MAMLD1: variants seen among roughly 807,000 people sequenced by gnomAD.
MAMLD1 encodes the protein mastermind like domain containing 1.
In MAMLD1, 14 loss-of-function variants were observed where a neutral mutation model predicts 45.0. That is an observed-to-expected ratio of 0.31 (90% CI 0.21 to 0.49). MAMLD1 has a LOEUF of 0.49. MAMLD1 is among the 20% of genes least tolerant of loss of function. The probability of loss-of-function intolerance (pLI) is 0.99; values close to 1 mark genes in which losing one functional copy is unlikely to be tolerated. For synonymous variants in MAMLD1, 254 were observed against 247.8 expected, an observed-to-expected ratio of 1.02 and a Z score of -0.24; for missense variants, 543 against 603.6, an observed-to-expected ratio of 0.90 and a Z score of 1.05.
chrX:150,419,457 A>C (rs2034401214), intron 1 of MAMLD1, among the ~76,000 whole-genome samples: 1 of 107,770 alleles, frequency 9.3e-6, no homozygotes, highest in African/African-American at 3.4e-5. Flanking sequence ...TAATATTGTT[A>C]TGTTTGAATT....
intron 5 of MAMLD1, among the ~76,000 whole-genome samples, chrX:150,489,675 G>A (rs781864000): frequency 9.2e-6 from 1 of 109,139 alleles, no homozygotes; most frequent in African/African-American, 3.3e-5. Context: ...GTGGCAGAGG[G>A]GTGAGGGAAA....
At chrX:150,451,498 C>A in intron 2 of MAMLD1, among the ~76,000 whole-genome samples, 1 of 111,332 alleles carries the variant, frequency 9.0e-6, no homozygotes, top group Admixed American at 9.5e-5. Flanking sequence ...GAATCCACAG[C>A]TGGAAAGCCC....
chrX:150,382,944 G>A (rs1482116323), intron 1 of MAMLD1, among the ~76,000 whole-genome samples: 1 of 21,322 alleles, frequency 4.7e-5, no homozygotes, highest in East Asian at 7.3e-4. Context: ...TCGCTCTGTC[G>A]CCCAGGCTGG....
At position 150,470,474 on chromosome X, in the gene MAMLD1, T is replaced by C; in HGVS notation, c.901T>C (p.Trp301Arg). Reference protein sequence around the residue: ...VALPPLPVPQWHHAHQLKALA... With the variant: ...VALPPLPVPQRHHAHQLKALA... ...TCTGCCCCCCTTACCAGTGCCTCAGTGGCATCACGCCCACCAGCTGAAGGC... is the reference window on the plus strand; with the variant it reads ...TCTGCCCCCCTTACCAGTGCCTCAGCGGCATCACGCCCACCAGCTGAAGGC... The change falls in exon 4 of 8, where the codon TGG becomes CGG. Residue 301 changes from tryptophan to arginine, a missense_variant. Coordinates refer to ENST00000370401, the MANE Select transcript of MAMLD1 (RefSeq NM_005491.5). 8.3e-7 allele frequency: 1 copy of C among 1,211,870 alleles called. No individual in the cohort carries two copies. The highest frequency in any genetic ancestry group is 2.3e-4 in the Middle Eastern group (1 of 4,356).
intron 5 of MAMLD1, among the ~76,000 whole-genome samples, chrX:150,477,784 G>A (rs782127542): frequency 2.7e-5 from 3 of 112,045 alleles, no homozygotes; most frequent in African/African-American, 9.7e-5. Flanking sequence ...TGCAGCCAGC[G>A]TGGATCTGAC....
At chrX:150,453,928 T>C (rs1229290174) in intron 2 of MAMLD1, among the ~76,000 whole-genome samples, 1 of 112,462 alleles carries the variant, frequency 8.9e-6, no homozygotes, top group Non-Finnish European at 1.9e-5. Flanking sequence ...GCACACACTC[T>C]TAACTTGTTC....
chrX:150,512,260 C>T lies in MAMLD1; in HGVS notation c.*301C>T. 2 of 1,115,221 alleles carry T rather than the reference C, an allele frequency of 1.8e-6. No individual in the cohort carries two copies. The highest frequency in any genetic ancestry group is 2.2e-5 in the South Asian group (1 of 45,988). 91.9% of individuals were successfully genotyped at this position (1,115,221 alleles called of 1,213,427 possible). On this transcript the variant is annotated 3_prime_UTR_variant, in exon 8 of 8. Coordinates refer to ENST00000370401, the MANE Select transcript of MAMLD1 (RefSeq NM_005491.5). ...GCCAGACTCCCCTGGGCAGACTTGA[C>T]TCTGTCTGCCAGCATATGCAGAGTC...
intron 5 of MAMLD1, among the ~76,000 whole-genome samples, chrX:150,492,153 A>G (rs903963801): frequency 7.1e-5 from 8 of 112,393 alleles, no homozygotes; most frequent in Non-Finnish European, 1.5e-4. Flanking sequence ...AGGATCCCTC[A>G]TCTCACCCAT....
chrX:150,412,115 C>A (rs1431187259), intron 1 of MAMLD1, among the ~76,000 whole-genome samples: 3 of 111,603 alleles, frequency 2.7e-5, no homozygotes, highest in African/African-American at 9.8e-5. Flanking sequence ...GTCCATGTGT[C>A]AGCATGTTGA....
intron 5 of MAMLD1, among the ~76,000 whole-genome samples, chrX:150,479,319 A>T (rs1402056418): frequency 1.8e-5 from 2 of 112,039 alleles, no homozygotes; most frequent in Non-Finnish European, 3.8e-5. Context: ...CCCAAAACTT[A>T]CGGGGATGCA....
chrX:150,492,098 G>A (rs140055927), intron 5 of MAMLD1, among the ~76,000 whole-genome samples: 193 of 112,960 alleles, frequency 1.7e-3, no homozygotes, highest in Non-Finnish European at 3.1e-3. Flanking sequence ...AGCCACAAAG[G>A]AGGCCTGGCA....
intron 3 of MAMLD1, 94 bp from the exon 4 acceptor site, chrX:150,469,651 C>CTG (rs1490297507): frequency 7.6e-5 from 44 of 577,031 alleles, no homozygotes; most frequent in African/African-American, 2.6e-4. Flanking sequence ...CTCTCTCTCT[C>CTG]TCTCTGTGTG....
At position 150,505,316 on chromosome X, in the gene MAMLD1, C is replaced by T. The variant is rs781843742; in HGVS notation, c.2284+1799C>T. On this transcript the variant is annotated intron_variant, in intron 6 of 7. Transcript: ENST00000370401. ...CCATGACTTGACCTTAGGTTTCTGC[C>T]AGCACCTGCCCACCCTCCATCCCTT... is the stretch of plus-strand genomic sequence containing the variant. Among the ~76,000 whole-genome samples the T allele has an allele frequency of 3.6e-5, 4 of 111,897 alleles. No homozygotes were observed. The South Asian group carries it at 1.1e-3, about 32-fold the overall frequency.
intron 1 of MAMLD1, among the ~76,000 whole-genome samples, chrX:150,434,261 A>AT (rs1172435881): frequency 1.8e-5 from 2 of 109,621 alleles, no homozygotes; most frequent in African/African-American, 3.3e-5. Context: ...GCCTTTTGTC[A>AT]TTTTTTATTA....
At chrX:150,417,866 T>C (rs201609879) in intron 1 of MAMLD1, among the ~76,000 whole-genome samples, 4 of 111,011 alleles carry the variant, frequency 3.6e-5, no homozygotes, top group African/African-American at 9.8e-5. Context: ...TGTTTGTTTT[T>C]TTCTTGTAAA....
At chrX:150,458,547 T>G (rs1018737572) in intron 2 of MAMLD1, among the ~76,000 whole-genome samples, 3 of 111,972 alleles carry the variant, frequency 2.7e-5, no homozygotes, top group African/African-American at 9.7e-5. Context: ...TATAAAAGCT[T>G]CAGTCCCAAA....
chrX:150,493,827 C>T (rs1273441071), intron 5 of MAMLD1, among the ~76,000 whole-genome samples: 1 of 111,908 alleles, frequency 8.9e-6, no homozygotes, highest in Non-Finnish European at 1.9e-5. Flanking sequence ...GTAATATGTG[C>T]TCTTTGTAGT....
intron 5 of MAMLD1, among the ~76,000 whole-genome samples, chrX:150,479,438 C>A (rs2036684410): frequency 8.9e-6 from 1 of 112,136 alleles, no homozygotes; most frequent in African/African-American, 3.2e-5. Context: ...TTTTCAGAAA[C>A]CTCCTGTCAA....
rs185421231 is a variant in MAMLD1, at chrX:150,513,136, C to T, written c.*1177C>T. The stretch of plus-strand genomic sequence containing the variant: ...ATCACTCTAGGAAGTGGTGTCGATC[C>T]ATACCCGCAGTTGTCTCCCGTTACA... On this transcript the variant is annotated 3_prime_UTR_variant, in exon 8 of 8. Coordinates refer to ENST00000370401, the MANE Select transcript of MAMLD1 (RefSeq NM_005491.5). 3.1e-6 allele frequency: 3 copies of T among 957,542 alleles called. No individual in the cohort carries two copies. The highest frequency in any genetic ancestry group is 1.9e-5 in the African/African-American group (1 of 52,198). 78.9% of individuals were successfully genotyped at this position (957,542 alleles called of 1,213,427 possible).
Sources: gnomAD v4.1 joint callset for allele counts (sites outside exome capture counted in the v4.1 genomes callset) on GRCh38, gnomAD v4.1.1 for gene constraint, MANE v1.5 for transcripts, NCBI Gene and HGNC (gene_info 2026-07-23, HGNC 2026-07-21) for gene names.